The following HELB variants were observed in gnomAD, a reference collection of about 807,000 sequenced individuals.
HELB encodes DNA helicase B.
In HELB, 96 loss-of-function variants were observed where a neutral mutation model predicts 101.7. The ratio of observed to expected loss-of-function variants is 0.94; its 90% CI spans 0.80 to 1.12. HELB has a LOEUF of 1.12. Among genes scored for constraint, HELB ranks in the 50% most tolerant of loss-of-function variants. HELB has a pLI of 0.00. For synonymous variants in HELB, 437 were observed against 459.7 expected, an observed-to-expected ratio of 0.95 and a Z score of 0.63; for missense variants, 1,210 against 1,291.9, an observed-to-expected ratio of 0.94 and a Z score of 0.97.
intron 12 of HELB, among the ~76,000 whole-genome samples, chr12:66,334,076 C>T (rs1023036467): frequency 2.6e-5 from 4 of 152,064 alleles, no homozygotes; most frequent in African/African-American, 9.7e-5. Context: ...AGGAGGATCA[C>T]TTGAGACTGA....
At chr12:66,322,133 G>A (rs1263758018) in intron 8 of HELB, 104 bp downstream of exon 8, 2 of 569,622 alleles carry the variant, frequency 3.5e-6, no homozygotes, top group Admixed American at 6.6e-5. Flanking sequence ...TTTCATCACT[G>A]TTAATTCTCT....
intron 12 of HELB, among the ~76,000 whole-genome samples, chr12:66,334,765 T>G (rs893699408): frequency 6.6e-6 from 1 of 151,002 alleles, no homozygotes; most frequent in Non-Finnish European, 1.5e-5. Flanking sequence ...GGCGACAGAA[T>G]GAGACCCTGT....
At chr12:66,338,272 GTCA>G (rs1159520668), downstream of HELB, 11 of 597,228 alleles carry the variant, frequency 1.8e-5, no homozygotes, top group Non-Finnish European at 2.9e-6. Context: ...ATTTCAACAC[GTCA>G]TCATGAGAAC....
chr12:66,310,963 A>G (rs1417795327), intron 4 of HELB, among the ~76,000 whole-genome samples: 1 of 152,058 alleles, frequency 6.6e-6, no homozygotes, highest in Admixed American at 6.6e-5. Context: ...TTTACCTTAA[A>G]GACAAACTTA....
chr12:66,326,274 G>A (rs1013750775), intron 11 of HELB, among the ~76,000 whole-genome samples: 2 of 151,388 alleles, frequency 1.3e-5, no homozygotes, highest in Admixed American at 6.6e-5. Flanking sequence ...AGACAGTCTC[G>A]CTGTGTCGCC....
rs1463145217 is a variant in HELB, at chr12:66,302,625, C to T, written c.22C>T (p.Leu8=). The change falls in exon 1 of 13, where the codon CTG becomes TTG. Residue 8 remains leucine (L), a synonymous_variant. Coordinates refer to ENST00000247815, the MANE Select transcript of HELB (RefSeq NM_001370285.1). MARSSPY[L]RQLQGPLLPP... is the part of the protein sequence containing the mutation. ...AAGCATGGCCAGGTCGAGTCCGTAC[C>T]TGCGCCAACTTCAGGGACCTCTGCT... is the stretch of plus-strand genomic sequence containing the variant. The T allele has an allele frequency of 1.2e-6, 2 of 1,613,994 alleles. No homozygotes were observed. The highest frequency in any genetic ancestry group is 1.1e-5 in the South Asian group (1 of 91,078).
In HELB at chr12:66,334,635, TG is replaced by T. The variant is rs1196370499; in HGVS notation, c.3162+2995del. Reference sequence around the variant, plus strand: ...ACCAAAAATGCAAACAAAAATTAGCTGGGGGTGGTGCTGGGTGCCTGTTGTC... The same window carrying T: ...ACCAAAAATGCAAACAAAAATTAGCTGGGGTGGTGCTGGGTGCCTGTTGTC... On this transcript the variant is annotated intron_variant, in intron 12 of 12. Transcript: ENST00000247815. Among the ~76,000 whole-genome samples, 4 of 151,840 alleles carry T rather than the reference TG, an allele frequency of 2.6e-5. No individual in the cohort carries two copies. In the East Asian group the frequency reaches 7.7e-4, roughly 29 times the overall value.
At chr12:66,314,230 A>G in intron 5 of HELB, 67 bp downstream of exon 5, 1 of 1,394,096 alleles carries the variant, frequency 7.2e-7, no homozygotes, top group Admixed American at 2.3e-5. Flanking sequence ...GGTTGTTTAC[A>G]CCATTTAGTT....
chr12:66,313,619 G>T (rs560291468), intron 4 of HELB, among the ~76,000 whole-genome samples: 1 of 152,094 alleles, frequency 6.6e-6, no homozygotes, highest in East Asian at 1.9e-4. Context: ...TTCATAATTC[G>T]GTTGAGAAAG....
At chr12:66,306,657 C>A (rs2053480130) in intron 3 of HELB, 143 bp downstream of exon 3, 1 of 446,020 alleles carries the variant, frequency 2.2e-6, no homozygotes, top group African/African-American at 2.0e-5. Context: ...TGCAACTGTA[C>A]ATAAACTTCT....
intron 4 of HELB, among the ~76,000 whole-genome samples, chr12:66,312,667 CT>C (rs1484643830): frequency 6.6e-6 from 1 of 152,130 alleles, no homozygotes; most frequent in Non-Finnish European, 1.5e-5. Flanking sequence ...GCTTGGGATG[CT>C]GAGTGAGAGA....
At chr12:66,313,884 C>A (rs2053570436) in intron 4 of HELB, 102 bp from the exon 5 acceptor site, 3 of 958,850 alleles carry the variant, frequency 3.1e-6, no homozygotes, top group East Asian at 2.4e-5. Context: ...TTCCCACCCA[C>A]CCCTGCCAAT....
intron 9 of HELB, among the ~76,000 whole-genome samples, chr12:66,323,649 G>A (rs1478491638): frequency 6.6e-6 from 1 of 152,136 alleles, no homozygotes. Flanking sequence ...GAGAGCAGAG[G>A]ATTAATTTTA....
intron 3 of HELB, among the ~76,000 whole-genome samples, chr12:66,308,057 A>AAG (rs1427079865): frequency 6.6e-6 from 1 of 151,646 alleles, no homozygotes. Context: ...AAAAAAAAAA[A>AAG]AAAAAAAATT....
chr12:66,322,565 C>A (rs1225827524), intron 8 of HELB, among the ~76,000 whole-genome samples, 159 bp from the exon 9 acceptor site: 8 of 125,580 alleles, frequency 6.4e-5, no homozygotes, highest in East Asian at 4.5e-4. Flanking sequence ...GACGCTGTCT[C>A]AAAAAAAAAA....
At position 66,309,855 on chromosome 12, in the gene HELB, G is replaced by A. The variant is rs1328412856; in HGVS notation, c.927G>A (p.Gly309=). 3.1e-6 allele frequency: 5 copies of A among 1,613,972 alleles called. No homozygotes were observed. Among genetic ancestry groups the A allele is most frequent in the Non-Finnish European group, 4.2e-6 (5 of 1,179,964 alleles). The stretch of plus-strand genomic sequence containing the variant: ...TGAAGCAGATATGTAGAGAAGATGG[G>A]CACACATATGTTGAAGTGAATGACT... The part of the protein sequence containing the change: ...SRLKQICRED[G]HTYVEVNDLT... The change falls in exon 4 of 13, where the codon GGG becomes GGA. Residue 309 remains glycine, a synonymous_variant. Transcript: ENST00000247815.
At chr12:66,318,850 A>G in intron 7 of HELB, 58 bp downstream of exon 7, 1 of 1,336,630 alleles carries the variant, frequency 7.5e-7, no homozygotes, top group Non-Finnish European at 1.0e-6. Flanking sequence ...GTTTTGTAAC[A>G]TAGTTATTAA....
intron 12 of HELB, among the ~76,000 whole-genome samples, chr12:66,337,317 G>A (rs909867642): frequency 6.6e-6 from 1 of 152,082 alleles, no homozygotes; most frequent in Admixed American, 6.5e-5. Flanking sequence ...TCCATCTCAG[G>A]AAAATATCTT....
rs958904641 is a variant in HELB, at chr12:66,302,683, A to G, written c.80A>G (p.Asp27Gly). 1 of 1,614,126 alleles carries G rather than the reference A, an allele frequency of 6.2e-7. No individual in the cohort carries two copies. The highest frequency in any genetic ancestry group is 8.5e-7 in the Non-Finnish European group (1 of 1,179,982). The stretch of plus-strand genomic sequence containing the variant: ...AGGGATCTGGTGGAGGAGGACGACG[A>G]CTACCTAAACGACGACGTGGAGGAG... ...PPRDLVEEDD[D>G]YLNDDVEEDE... The change falls in exon 1 of 13, where the codon GAC (aspartate) becomes GGC (glycine). Residue 27 changes from aspartate to glycine, a missense_variant. Asp to Gly is a moderately conservative substitution (Grantham distance 94). Coordinates refer to ENST00000247815, the MANE Select transcript of HELB (RefSeq NM_001370285.1).
Sources: gnomAD v4.1 joint callset for allele counts (sites outside exome capture counted in the v4.1 genomes callset) on GRCh38, gnomAD v4.1.1 for gene constraint, MANE v1.5 for transcripts, NCBI Gene and HGNC (gene_info 2026-07-23, HGNC 2026-07-21) for gene names.